DOCK3: variants seen among roughly 807,000 people sequenced by gnomAD.
DOCK3 encodes the protein dedicator of cytokinesis protein 3.
A neutral mutation model predicts 265.6 loss-of-function variants in DOCK3; 60 were observed. The ratio of observed to expected loss-of-function variants is 0.23; its 90% CI spans 0.18 to 0.28. The LOEUF (loss-of-function observed/expected upper bound fraction) is 0.28, where lower values mean the gene tolerates loss of function less well. DOCK3 is among the 10% of genes least tolerant of loss of function. The pLI, the probability that DOCK3 is intolerant of heterozygous loss-of-function variation, is 1.00. For synonymous variants in DOCK3, 881 were observed against 938.0 expected (o/e 0.94, Z 1.11); for missense variants, 1,981 against 2,594.3 (o/e 0.76, Z 5.14).
At chr3:51,291,950 G>T (rs138664958) in intron 27 of DOCK3, among the ~76,000 whole-genome samples, 2 of 152,212 alleles carry the variant, frequency 1.3e-5, no homozygotes, top group Admixed American at 6.5e-5. Context: ...AACATACTCA[G>T]ATCAATAAAT....
chr3:51,359,422 T>C lies in DOCK3; in HGVS notation c.4885-1089T>C, dbSNP rs552461321. Among the ~76,000 whole-genome samples, 1 of 152,390 alleles carries C rather than the reference T, an allele frequency of 6.6e-6. No individual in the cohort carries two copies. The highest frequency in any genetic ancestry group is 1.5e-5 in the Non-Finnish European group (1 of 68,042). ...TCCCATGGTATTTCAAGGTGAAATA[T>C]GCAGAGAAGCTCTTTTACATCTCCG... On this transcript the variant is annotated intron_variant, in intron 46 of 52. Transcript: ENST00000266037. The surrounding 1 kb of genome is among the most constrained non-coding windows in gnomAD (Gnocchi z 4.8).
At chr3:51,133,496 T>C (rs2084655673) in intron 9 of DOCK3, among the ~76,000 whole-genome samples, 1 of 152,092 alleles carries the variant, frequency 6.6e-6, no homozygotes, top group African/African-American at 2.4e-5. Context: ...CATGAACTCA[T>C]CCTTTTTTAT....
chr3:50,927,822 A>G (rs188313295), intron 4 of DOCK3, among the ~76,000 whole-genome samples: 2 of 152,266 alleles, frequency 1.3e-5, no homozygotes, highest in Admixed American at 1.3e-4. Context: ...CATTCTGCCT[A>G]GGGGAAGGGG....
chr3:51,367,605 G>A (rs996230181), intron 49 of DOCK3, among the ~76,000 whole-genome samples: 3 of 152,196 alleles, frequency 2.0e-5, no homozygotes, highest in Non-Finnish European at 4.4e-5. Flanking sequence ...TTACAATTTG[G>A]CATGTTTTTG....
intron 4 of DOCK3, among the ~76,000 whole-genome samples, chr3:50,927,473 C>T (rs1210355251): frequency 1.3e-5 from 2 of 152,088 alleles, no homozygotes; most frequent in African/African-American, 4.8e-5. Context: ...ATGGATATTC[C>T]ATTTACCAAG....
intron 49 of DOCK3, among the ~76,000 whole-genome samples, chr3:51,365,702 GT>G (rs2087100139): frequency 6.6e-6 from 1 of 152,226 alleles, no homozygotes. Context: ...ATGAAGGGCT[GT>G]TGAATTTTGT....
chr3:51,345,338 C>T (rs1419380039), intron 38 of DOCK3, among the ~76,000 whole-genome samples: 4 of 152,142 alleles, frequency 2.6e-5, no homozygotes, highest in African/African-American at 9.7e-5. Context: ...GGCTGGGCAT[C>T]GTGGCTCATG....
At chr3:51,375,191 A>G (rs1406939151) in intron 50 of DOCK3, among the ~76,000 whole-genome samples, 3 of 152,152 alleles carry the variant, frequency 2.0e-5, no homozygotes, top group Non-Finnish European at 4.4e-5. Context: ...AGTGACCATT[A>G]CCTAGCCTCA....
intron 5 of DOCK3, among the ~76,000 whole-genome samples, chr3:50,959,032 C>G (rs1298000075): frequency 6.6e-6 from 1 of 152,108 alleles, no homozygotes; most frequent in Non-Finnish European, 1.5e-5. Context: ...TTTCCATCAC[C>G]CCAAAAAGAT....
intron 2 of DOCK3, among the ~76,000 whole-genome samples, chr3:50,796,571 C>T (rs999920355): frequency 6.6e-6 from 1 of 152,078 alleles, no homozygotes; most frequent in African/African-American, 2.4e-5. Context: ...CTCCCAACTT[C>T]AGGTGATTTG....
Position 50,934,445 on chromosome 3 carries a change from C to T in DOCK3, c.315+368C>T, listed in dbSNP as rs547338413. ...TGAACCCAGTGGTGGGTATAAAGGC[C>T]GATAAATTGTGTTAACAGTTTTTAA... On this transcript the variant is annotated intron_variant, in intron 5 of 52. Transcript: ENST00000266037. 1.2e-3 allele frequency among the ~76,000 whole-genome samples: 181 copies of T among 152,026 alleles called. 1 individual carries two copies. The highest frequency in any genetic ancestry group is 1.5e-3 in the Non-Finnish European group (99 of 68,014).
chr3:50,943,491 C>T (rs2076349739), intron 5 of DOCK3, among the ~76,000 whole-genome samples: 2 of 151,974 alleles, frequency 1.3e-5, no homozygotes, highest in Non-Finnish European at 2.9e-5. Flanking sequence ...ATTCTGAAAA[C>T]ATATTTGGAA....
At chr3:50,730,649 G>A (rs1048454239) in intron 1 of DOCK3, among the ~76,000 whole-genome samples, 2 of 151,680 alleles carry the variant, frequency 1.3e-5, no homozygotes, top group African/African-American at 4.8e-5. Context: ...CCAACATAGT[G>A]TCTCTACATT....
intron 3 of DOCK3, among the ~76,000 whole-genome samples, chr3:50,885,443 T>C (rs2048278249): frequency 6.6e-6 from 1 of 151,310 alleles, no homozygotes; most frequent in African/African-American, 2.4e-5. Context: ...TGCTGGATCA[T>C]ATGGTAAGGC....
At position 51,133,035 on chromosome 3, in the gene DOCK3, G is replaced by A. The variant is rs117185198; in HGVS notation, c.747-13514G>A. Among the ~76,000 whole-genome samples the A allele has an allele frequency of 3.4e-4, 51 of 152,170 alleles. No individual in the cohort carries two copies. In the East Asian group the frequency reaches 6.4e-3, roughly 19 times the overall value. ...GCAGGATAATGTTGATTTTCCTCAG[G>A]ACCCACCCCCAACACCCTTGTTTAC... On this transcript the variant is annotated intron_variant, in intron 9 of 52. Transcript: ENST00000266037.
intron 1 of DOCK3, among the ~76,000 whole-genome samples, chr3:50,758,657 A>G (rs1210049841): frequency 6.6e-6 from 1 of 152,130 alleles, no homozygotes; most frequent in Admixed American, 6.6e-5. Flanking sequence ...CTCTGTACCC[A>G]TTAAAGACTG....
At chr3:51,354,359 C>G (rs1328242014) in intron 40 of DOCK3, among the ~76,000 whole-genome samples, 2 of 151,956 alleles carry the variant, frequency 1.3e-5, no homozygotes, top group Non-Finnish European at 2.9e-5. Context: ...CCTGTGATGC[C>G]TCTCTCTTTC....
In DOCK3 at chr3:51,028,099, C is replaced by T. The variant is rs368963208; in HGVS notation, c.316-36349C>T. Reference sequence around the variant, plus strand: ...TCTTTATTTTCATGTTTAGAGCTCTCGAGCATTTCTTGTCGGGCTAGACTG... The same window carrying T: ...TCTTTATTTTCATGTTTAGAGCTCTTGAGCATTTCTTGTCGGGCTAGACTG... On this transcript the variant is annotated intron_variant, in intron 5 of 52. Transcript: ENST00000266037. Among the ~76,000 whole-genome samples the T allele has an allele frequency of 3.9e-5, 6 of 152,116 alleles. No homozygotes were observed. In the East Asian group the frequency reaches 5.8e-4, roughly 15 times the overall value.
At chr3:50,764,722 A>C (rs938205899) in intron 1 of DOCK3, among the ~76,000 whole-genome samples, 1 of 152,152 alleles carries the variant, frequency 6.6e-6, no homozygotes, top group African/African-American at 2.4e-5. Flanking sequence ...GTGAGGCAGG[A>C]GGATCACTTG....
Sources: allele counts gnomAD v4.1 joint callset (sites outside exome capture counted in the v4.1 genomes callset), GRCh38; gene constraint gnomAD v4.1.1; non-coding constraint Gnocchi (gnomAD v3.1); transcripts MANE v1.5; gene names NCBI Gene and HGNC (gene_info 2026-07-23, HGNC 2026-07-21).